The following A4GALT variants were observed in gnomAD, a reference collection of about 807,000 sequenced individuals.
A4GALT encodes alpha 1,4-galactosyltransferase (P1PK blood group), also known as lactosylceramide 4-alpha-galactosyltransferase.
For synonymous variants in A4GALT, 257 were observed against 220.7 expected (o/e 1.16, Z -1.46); for missense variants, 512 against 486.0 (o/e 1.05, Z -0.50).
intron 1 of A4GALT, among the ~76,000 whole-genome samples, chr22:42,704,888 GC>G (rs1920971667): frequency 8.0e-6 from 1 of 124,502 alleles, no homozygotes; most frequent in Non-Finnish European, 1.7e-5. Context: ...GCGGGGGGGG[GC>G]GGCGGAGGCG....
rs781610289 is a variant in A4GALT, at chr22:42,693,896, C to A, written c.56G>T (p.Arg19Leu). Residue 19 changes from arginine to leucine, a missense_variant, in exon 3 of 3, where the codon CGG becomes CTG. Arg to Leu is a moderately radical substitution (Grantham distance 102). Coordinates refer to ENST00000642412, the MANE Select transcript of A4GALT (RefSeq NM_017436.7). ...LRLLRGAPRQ[R>L]VCTLFIIGFK... ...GCCGATGATGAACAGGGTGCAGACC[C>A]GCTGCCTTGGGGCGCCCCGGAGCAG... 6.2e-7 allele frequency: 1 copy of A among 1,609,028 alleles called. No homozygotes were observed. The highest frequency in any genetic ancestry group is 8.5e-7 in the Non-Finnish European group (1 of 1,178,408).
In A4GALT at chr22:42,709,067, A is replaced by ATATATATTTTTT. The variant is rs1180529043; in HGVS notation, c.-188+11729_-188+11730insAAAAAATATATA. On this transcript the variant is annotated intron_variant, in intron 1 of 2. Coordinates refer to ENST00000642412, the MANE Select transcript of A4GALT (RefSeq NM_017436.7). Reference sequence around the variant, plus strand: ...AATTTAAATATATATATATATATATATTTTTTTTAAGACAGGGTCTGCTGT... The same window carrying ATATATATTTTTT: ...AATTTAAATATATATATATATATATATATATATTTTTTTTTTTTTTAAGACAGGGTCTGCTGT... 4.3e-4 allele frequency among the ~76,000 whole-genome samples: 56 copies of ATATATATTTTTT among 128,828 alleles called. 1 individual carries two copies. Among genetic ancestry groups the ATATATATTTTTT allele is most frequent in the African/African-American group, 5.9e-4 (21 of 35,598 alleles). The allele number at this position is 128,828 out of a possible 152,430, so 84.5% of individuals were successfully genotyped here.
Position 42,713,776 on chromosome 22 carries a change from C to T in A4GALT, c.-188+7021G>A, listed in dbSNP as rs1921898600. ...GCAGTGAGCCAAGACCGTGCCATTG[C>T]ACTCCAGCCTGGGCAACAAGAGCGA... On this transcript the variant is annotated intron_variant, in intron 1 of 2. Coordinates refer to ENST00000642412, the MANE Select transcript of A4GALT (RefSeq NM_017436.7). Among the ~76,000 whole-genome samples, 5 of 146,322 alleles carry T rather than the reference C, an allele frequency of 3.4e-5. No individual in the cohort carries two copies. The South Asian group carries it at 8.6e-4, about 25-fold the overall frequency.
At chr22:42,715,727 A>T (rs73174952) in intron 1 of A4GALT, among the ~76,000 whole-genome samples, 18,501 of 151,178 alleles carry the variant, frequency 0.12, 1,217 homozygotes, top group African/African-American at 0.16. Context: ...AATTATATTT[A>T]AAAAAAAAGG....
chr22:42,703,259 G>GTTTTTTTTTTTTT (rs59690136), intron 1 of A4GALT, among the ~76,000 whole-genome samples: 1 of 131,748 alleles, frequency 7.6e-6, no homozygotes, highest in African/African-American at 2.9e-5. Context: ...GTTTGTTTTT[G>GTTTTTTTTTTTTT]TTTTTTTTTT....
chr22:42,705,782 C>T (rs1344905229), intron 1 of A4GALT, among the ~76,000 whole-genome samples: 1 of 122,934 alleles, frequency 8.1e-6, no homozygotes, highest in Non-Finnish European at 1.9e-5. Flanking sequence ...GCTGGCAGAT[C>T]GTTTGAGGTC....
At chr22:42,717,632 T>C (rs985085943) in intron 1 of A4GALT, among the ~76,000 whole-genome samples, 1 of 152,100 alleles carries the variant, frequency 6.6e-6, no homozygotes, top group African/African-American at 2.4e-5. Context: ...AGCTCTCTCT[T>C]CTAGCTTTCC....
intron 1 of A4GALT, among the ~76,000 whole-genome samples, chr22:42,713,198 A>G (rs1272372409): frequency 2.0e-5 from 3 of 152,176 alleles, no homozygotes; most frequent in Non-Finnish European, 4.4e-5. Flanking sequence ...TCAGAAGCCA[A>G]CATCACTGAC....
At chr22:42,715,546 A>G (rs949281364) in intron 1 of A4GALT, among the ~76,000 whole-genome samples, 3 of 151,092 alleles carry the variant, frequency 2.0e-5, no homozygotes, top group Non-Finnish European at 4.4e-5. Context: ...ACATAAGTGG[A>G]CTCCTTCTTT....
intron 1 of A4GALT, among the ~76,000 whole-genome samples, chr22:42,703,412 C>T (rs541685618): frequency 2.6e-5 from 4 of 151,680 alleles, no homozygotes; most frequent in African/African-American, 7.3e-5. Context: ...CCTGCCACCG[C>T]GCCTGGCTAA....
upstream of A4GALT, chr22:42,720,929 C>T (rs1215032523): frequency 6.7e-6 from 1 of 149,140 alleles, no homozygotes; most frequent in African/African-American, 2.4e-5. Flanking sequence ...GTCAGGCCGC[C>T]CCGCCCCGCC....
rs564938247 is a variant in A4GALT at position 42,693,924 on chromosome 22, G to T, written c.28C>A (p.Arg10=). MSKPPDLLL[R]LLRGAPRQRV... ...TGCCTTGGGGCGCCCCGGAGCAGCCGCAGCAGGAGGTCGGGGGGCTTGGAC... is the reference window on the plus strand; with the variant it reads ...TGCCTTGGGGCGCCCCGGAGCAGCCTCAGCAGGAGGTCGGGGGGCTTGGAC... The change falls in exon 3 of 3, where the codon CGG becomes AGG. Residue 10 remains arginine (R), a synonymous_variant. Coordinates refer to ENST00000642412, the MANE Select transcript of A4GALT (RefSeq NM_017436.7). 11 of 1,601,238 alleles carry T rather than the reference G, an allele frequency of 6.9e-6. No individual in the cohort carries two copies. The highest frequency in any genetic ancestry group is 9.4e-6 in the Non-Finnish European group (11 of 1,174,536).
intron 1 of A4GALT, among the ~76,000 whole-genome samples, chr22:42,715,847 T>G (rs1466704869): frequency 9.9e-6 from 1 of 100,686 alleles, no homozygotes; most frequent in Non-Finnish European, 2.3e-5. Flanking sequence ...TTTTGTTTTT[T>G]TTGAGATGGA....
chr22:42,717,926 G>C (rs1156647446), intron 1 of A4GALT, among the ~76,000 whole-genome samples: 1 of 152,122 alleles, frequency 6.6e-6, no homozygotes, highest in Non-Finnish European at 1.5e-5. Flanking sequence ...TCTGACCCAG[G>C]AGTTTCATTT....
chr22:42,714,081 A>C (rs2147038548), intron 1 of A4GALT, among the ~76,000 whole-genome samples: 1 of 151,980 alleles, frequency 6.6e-6, no homozygotes, highest in Middle Eastern at 3.4e-3. Context: ...CTTGAGGCCA[A>C]GAGTTGCGTG....
chr22:42,702,666 G>A lies in A4GALT; in HGVS notation c.-187-7035C>T, dbSNP rs539618254. On this transcript the variant is annotated intron_variant, in intron 1 of 2. Coordinates refer to ENST00000642412, the MANE Select transcript of A4GALT (RefSeq NM_017436.7). ...CACACTCTTTACCCCCAACTGGCAT[G>A]GGAGCCCCCTTGCCAGGAAGAGGAC... 2.6e-5 allele frequency among the ~76,000 whole-genome samples: 3 copies of A among 115,094 alleles called. 1 individual carries two copies. Among genetic ancestry groups the A allele is most frequent in the Non-Finnish European group, 1.7e-5 (1 of 60,272 alleles). 75.5% of individuals were successfully genotyped at this position (115,094 alleles called of 152,430 possible).
intron 1 of A4GALT, among the ~76,000 whole-genome samples, chr22:42,709,067 A>ATATATATATATATATATTTTTT (rs1180529043): frequency 7.8e-4 from 100 of 128,764 alleles, no homozygotes; most frequent in Admixed American, 1.6e-3. Context: ...ATATATATAT[A>ATATATATATATATATATTTTTT]TTTTTTTTAA....
chr22:42,713,416 G>A (rs946477996), intron 1 of A4GALT, among the ~76,000 whole-genome samples: 46 of 152,320 alleles, frequency 3.0e-4, no homozygotes, highest in African/African-American at 9.9e-4. Flanking sequence ...ATGTTGTGGC[G>A]GCCCCTCTCC....
chr22:42,698,019 G>A (rs2146970015), intron 1 of A4GALT, among the ~76,000 whole-genome samples: 1 of 152,302 alleles, frequency 6.6e-6, no homozygotes, highest in South Asian at 2.1e-4. Context: ...GGGAGGCTGA[G>A]GTGGGCGGAT....
Sources: gnomAD v4.1 joint callset for allele counts (sites outside exome capture counted in the v4.1 genomes callset) on GRCh38, gnomAD v4.1.1 for gene constraint, MANE v1.5 for transcripts, NCBI Gene and HGNC (gene_info 2026-07-23, HGNC 2026-07-21) for gene names.